The following EMG1 variants were observed in gnomAD, a reference collection of about 807,000 sequenced individuals.
The protein encoded by EMG1 is EMG1 N1-specific pseudouridine methyltransferase, also known as ribosomal RNA small subunit methyltransferase NEP1.
Under a neutral mutation model 26.9 loss-of-function variants are expected in EMG1, and 24 were observed. The ratio of observed to expected loss-of-function variants is 0.89; its 90% CI spans 0.65 to 1.26. The LOEUF (loss-of-function observed/expected upper bound fraction) is 1.26. Ranked by LOEUF, EMG1 falls within the 50% of genes most tolerant of loss-of-function variation. The probability of loss-of-function intolerance (pLI) is 0.00; values close to 1 mark genes in which losing one functional copy is unlikely to be tolerated. For synonymous variants in EMG1, 140 were observed against 112.6 expected, an observed-to-expected ratio of 1.24 and a Z score of -1.54; for missense variants, 299 against 307.6, an observed-to-expected ratio of 0.97 and a Z score of 0.21.
downstream of EMG1, among the ~76,000 whole-genome samples, chr12:6,992,071 T>TA (rs1253235835): frequency 2.3e-4 from 34 of 147,518 alleles, 1 homozygote; most frequent in Non-Finnish European, 3.0e-4. Context: ...GCATACCAGT[T>TA]AAAAAAAAAA....
In EMG1 at chr12:6,975,909, T is replaced by C. The variant is rs1280552307; in HGVS notation, c.*100T>C. On this transcript the variant is annotated 3_prime_UTR_variant, in exon 6 of 6. Coordinates refer to ENST00000599672, the MANE Select transcript of EMG1 (RefSeq NM_006331.8). ...GAAGATGATCTTTCTGCACTGAGAC[T>C]GTGGAGTTTGGGGAAGCCAAGGCTG... 5 of 755,226 alleles carry C rather than the reference T, an allele frequency of 6.6e-6. No individual in the cohort carries two copies. Among genetic ancestry groups the C allele is most frequent in the African/African-American group, 5.2e-5 (3 of 58,044 alleles). The allele number at this position is 755,226 out of a possible 1,614,324, so 46.8% of individuals were successfully genotyped here.
At chr12:6,982,984 TTTTG>T (rs1221981654), downstream of EMG1, 8 of 641,612 alleles carry the variant, frequency 1.2e-5, no homozygotes, top group East Asian at 3.0e-5. Flanking sequence ...TCTTTTCTTT[TTTTG>T]TTTGTTTTTT....
At chr12:6,990,058 T>C (rs781968697), downstream of EMG1, among the ~76,000 whole-genome samples, 1 of 151,610 alleles carries the variant, frequency 6.6e-6, no homozygotes, top group Non-Finnish European at 1.5e-5. Context: ...GTGCCTGTAG[T>C]CCCAGCTACT....
Position 6,976,403 on chromosome 12 carries a change from T to C in EMG1, c.*594T>C, listed in dbSNP as rs1436855913. On this transcript the variant is annotated 3_prime_UTR_variant, in exon 6 of 6. Coordinates refer to ENST00000599672, the MANE Select transcript of EMG1 (RefSeq NM_006331.8). ...GTGCATGGGGGAATCAGAGGGGAGA[T>C]GTGAGCCCCTCTGCTCCTCCCACAA... The C allele has an allele frequency of 6.5e-6, 1 of 153,434 alleles. No homozygotes were observed. Among genetic ancestry groups the C allele is most frequent in the South Asian group, 2.1e-4 (1 of 4,848 alleles). The allele number at this position is 153,434 out of a possible 1,614,324, so 9.5% of individuals were successfully genotyped here. A position where few individuals can be genotyped will look rare whatever the true frequency, so the allele number is the denominator to read the frequency against.
chr12:6,979,836 C>A lies in EMG1; in HGVS notation c.*4027C>A, dbSNP rs1228491780. 1 of 480,318 alleles carries A rather than the reference C, an allele frequency of 2.1e-6. No individual in the cohort carries two copies. Among genetic ancestry groups the A allele is most frequent in the South Asian group, 2.8e-5 (1 of 36,182 alleles). The allele number at this position is 480,318 out of a possible 1,614,324, so 29.8% of individuals were successfully genotyped here. ...ACAGTGGACCAGTCTTGTGTTTACC[C>A]CTCAGGGATGCTACTGATCTCAAGG... On this transcript the variant is annotated 3_prime_UTR_variant, in exon 6 of 6. Coordinates refer to ENST00000599672, the MANE Select transcript of EMG1 (RefSeq NM_006331.8).
Position 6,978,374 on chromosome 12 carries a change from G to A in EMG1, c.*2565G>A. 6.2e-7 allele frequency: 1 copy of A among 1,613,304 alleles called. No individual in the cohort carries two copies. The highest frequency in any genetic ancestry group is 8.5e-7 in the Non-Finnish European group (1 of 1,179,610). On this transcript the variant is annotated 3_prime_UTR_variant, in exon 6 of 6. Transcript: ENST00000599672. ...CCAGGCGTTGGTGTTGATGTTGAAT[G>A]AGGCAATGGTGCCAGTGAAGCGGGG... is the stretch of plus-strand genomic sequence containing the variant.
At position 6,975,852 on chromosome 12, in the gene EMG1, C is replaced by A; in HGVS notation, c.*43C>A. 2 of 1,142,478 alleles carry A rather than the reference C, an allele frequency of 1.8e-6. No individual in the cohort carries two copies. The highest frequency in any genetic ancestry group is 1.5e-5 in the African/African-American group (1 of 66,086). 70.8% of individuals were successfully genotyped at this position (1,142,478 alleles called of 1,614,324 possible). Reference sequence around the variant, plus strand: ...CTGAAACCAGAAACTGTTGATGTCACATCCTTTGACCCTGGTCTGAGCTGA... The same window carrying A: ...CTGAAACCAGAAACTGTTGATGTCAAATCCTTTGACCCTGGTCTGAGCTGA... On this transcript the variant is annotated 3_prime_UTR_variant, in exon 6 of 6. Coordinates refer to ENST00000599672, the MANE Select transcript of EMG1 (RefSeq NM_006331.8).
chr12:6,989,326 T>C (rs1946564352), downstream of EMG1, among the ~76,000 whole-genome samples: 1 of 150,560 alleles, frequency 6.6e-6, no homozygotes, highest in South Asian at 2.1e-4. Context: ...TTTTTTTTTT[T>C]TTTTTGAGAC....
At chr12:6,983,449 A>G (rs781978246), downstream of EMG1, 2 of 1,605,428 alleles carry the variant, frequency 1.2e-6, no homozygotes, top group Non-Finnish European at 8.5e-7. Context: ...AAAATAAGCA[A>G]TTGAGAGGCC....
At chr12:6,991,770 A>C (rs782670042), downstream of EMG1, among the ~76,000 whole-genome samples, 4 of 152,222 alleles carry the variant, frequency 2.6e-5, no homozygotes, top group Non-Finnish European at 5.9e-5. Context: ...GTCGGTGAAA[A>C]AAGAAGCTGC....
downstream of EMG1, chr12:6,981,537 A>G: frequency 6.4e-7 from 1 of 1,569,142 alleles, no homozygotes; most frequent in Non-Finnish European, 8.8e-7. Context: ...TTTGTTAACA[A>G]CTTTTTTCTT....
intron 7 of EMG1, among the ~76,000 whole-genome samples, chr12:6,994,374 A>AT (rs782583252): frequency 1.4e-3 from 218 of 151,360 alleles, no homozygotes; most frequent in African/African-American, 4.3e-3. Context: ...TGCCCAGCTA[A>AT]TTTTTGTATT....
downstream of EMG1, among the ~76,000 whole-genome samples, chr12:6,983,994 C>G (rs1946498464): frequency 6.6e-6 from 1 of 152,130 alleles, no homozygotes; most frequent in Non-Finnish European, 1.5e-5. Flanking sequence ...AAACAAGATA[C>G]AAAGATTTGA....
intron 6 of EMG1, among the ~76,000 whole-genome samples, chr12:6,985,615 T>C (rs1591548889): frequency 1.3e-5 from 2 of 151,494 alleles, no homozygotes; most frequent in Admixed American, 6.6e-5. Context: ...CTCGGGAGGC[T>C]GAGGCAGGAG....
downstream of EMG1, among the ~76,000 whole-genome samples, chr12:6,988,681 T>C (rs1322167093): frequency 2.6e-5 from 4 of 152,162 alleles, no homozygotes; most frequent in Non-Finnish European, 4.4e-5. Flanking sequence ...CTTCCACTTT[T>C]AACAGCATGA....
chr12:6,993,801 A>G (rs1440305158), intron 7 of EMG1, among the ~76,000 whole-genome samples: 2 of 152,068 alleles, frequency 1.3e-5, no homozygotes, highest in Non-Finnish European at 1.5e-5. Context: ...TTTTATAGAC[A>G]AGGTCTCACT....
Position 6,976,901 on chromosome 12 carries a change from A to G in EMG1, c.*1092A>G. 2.1e-6 allele frequency: 1 copy of G among 471,908 alleles called. No individual in the cohort carries two copies. The highest frequency in any genetic ancestry group is 2.4e-5 in the South Asian group (1 of 41,652). 29.2% of individuals were successfully genotyped at this position (471,908 alleles called of 1,614,324 possible). A position where few individuals can be genotyped will look rare whatever the true frequency, so the allele number is the denominator to read the frequency against. On this transcript the variant is annotated 3_prime_UTR_variant, in exon 6 of 6. Coordinates refer to ENST00000599672, the MANE Select transcript of EMG1 (RefSeq NM_006331.8). ...GTCCCGCACAGGCCACCTGCAAGAC[A>G]AGAGGAGTTTGGAAGGCTGGTTAGT... is the stretch of plus-strand genomic sequence containing the variant.
chr12:6,986,842 C>G (rs376262651), intron 6 of EMG1, among the ~76,000 whole-genome samples: 1 of 148,618 alleles, frequency 6.7e-6, no homozygotes, highest in South Asian at 2.1e-4. Flanking sequence ...CGGCCGGGTG[C>G]GGCAGCTCAC....
In EMG1 at chr12:6,987,032, G is replaced by A. The variant is rs972462861; in HGVS notation, c.*155-750G>A. ...GGAAGCTGAGGCAGGAGAATTGCTT[G>A]AACCCAGGAGGCGGAGGTGGCAGTG... On this transcript the variant is annotated intron_variant and NMD_transcript_variant, in intron 6 of 7. Transcript: ENST00000261406. The surrounding 1 kb of genome is among the most constrained non-coding windows in gnomAD (Gnocchi z 4.1). 1.3e-5 allele frequency among the ~76,000 whole-genome samples: 2 copies of A among 151,864 alleles called. No homozygotes were observed. The highest frequency in any genetic ancestry group is 1.3e-4 in the Admixed American group (2 of 15,242).
Sources: gnomAD v4.1 joint callset for allele counts (sites outside exome capture counted in the v4.1 genomes callset) on GRCh38, gnomAD v4.1.1 for gene constraint, Gnocchi (gnomAD v3.1) non-coding constraint, MANE v1.5 for transcripts, NCBI Gene and HGNC (gene_info 2026-07-23, HGNC 2026-07-21) for gene names.